The following EDA variants were observed in gnomAD, a reference collection of about 807,000 sequenced individuals.
EDA encodes ectodysplasin A.
EDA carries 2 observed loss-of-function variants against 23.6 expected under a neutral mutation model. The observed-to-expected ratio is 0.08, with a 90% CI of 0.03 to 0.27. The LOEUF is 0.27. Ranked by LOEUF, EDA falls within the 10% of genes least tolerant of loss-of-function variation. The pLI, the probability that EDA is intolerant of heterozygous loss-of-function variation, is 1.00. For missense variants in EDA, 229 were observed against 324.2 expected (o/e 0.71, Z 2.26); for synonymous variants, 131 against 132.0 (o/e 0.99, Z 0.05).
chrX:69,732,925 TTG>T (rs1442383629), intron 1 of EDA, among the ~76,000 whole-genome samples: 2 of 111,233 alleles, frequency 1.8e-5, no homozygotes, highest in African/African-American at 6.5e-5. Context: ...TTCATATCCT[TTG>T]CCCACTTTTT....
chrX:69,760,314 T>C (rs1384928322), intron 1 of EDA, among the ~76,000 whole-genome samples: 1 of 110,571 alleles, frequency 9.0e-6, no homozygotes, highest in Non-Finnish European at 1.9e-5. Flanking sequence ...AGGTTAGCAG[T>C]AGAACTTCCC....
chrX:69,900,201 A>G (rs759218565), intron 1 of EDA, among the ~76,000 whole-genome samples: 1 of 109,411 alleles, frequency 9.1e-6, no homozygotes, highest in African/African-American at 3.3e-5. Flanking sequence ...TAAGATCTCT[A>G]TTTTTTAAGA....
At chrX:69,652,374 C>G (rs1317603013) in intron 1 of EDA, among the ~76,000 whole-genome samples, 1 of 111,654 alleles carries the variant, frequency 9.0e-6, no homozygotes, top group East Asian at 2.8e-4. Flanking sequence ...TTCATTTACT[C>G]ATTTAACAAA....
intron 1 of EDA, among the ~76,000 whole-genome samples, chrX:69,787,580 C>G (rs1266400381): frequency 6.5e-5 from 7 of 107,338 alleles, no homozygotes; most frequent in Admixed American, 2.0e-4. Context: ...TGAAATTCTG[C>G]ATTGAAAATT....
chrX:69,952,049 G>C (rs1367500827), intron 1 of EDA, among the ~76,000 whole-genome samples: 2 of 112,011 alleles, frequency 1.8e-5, no homozygotes, highest in African/African-American at 3.2e-5. Flanking sequence ...CAGATATTTT[G>C]TGTGAGCAGC....
intron 1 of EDA, among the ~76,000 whole-genome samples, chrX:69,697,486 G>A (rs2011388003): frequency 9.0e-6 from 1 of 111,640 alleles, no homozygotes; most frequent in Non-Finnish European, 1.9e-5. Context: ...TACTTCAAGC[G>A]TGACATGGGG....
intron 1 of EDA, among the ~76,000 whole-genome samples, chrX:69,741,839 TACTC>T (rs1467193851): frequency 8.9e-6 from 1 of 111,768 alleles, no homozygotes; most frequent in Non-Finnish European, 1.9e-5. Context: ...CTTTCTTAAT[TACTC>T]ACCACCAAAA....
chrX:69,732,616 G>C (rs2013081462), intron 1 of EDA, among the ~76,000 whole-genome samples: 1 of 112,132 alleles, frequency 8.9e-6, no homozygotes, highest in Non-Finnish European at 1.9e-5. Context: ...TATGTACCCA[G>C]TAATGGGATG....
intron 1 of EDA, among the ~76,000 whole-genome samples, chrX:69,879,561 A>T (rs1183162923): frequency 8.9e-6 from 1 of 112,157 alleles, no homozygotes; most frequent in East Asian, 2.8e-4. Flanking sequence ...TGATGCTGCC[A>T]TTAATGCTGC....
intron 1 of EDA, among the ~76,000 whole-genome samples, chrX:69,839,126 G>A (rs2016843308): frequency 8.9e-6 from 1 of 111,948 alleles, no homozygotes; most frequent in Non-Finnish European, 1.9e-5. Flanking sequence ...CCATTTAGCT[G>A]TTTTCAACAG....
chrX:69,749,435 G>T (rs1011759955), intron 1 of EDA, among the ~76,000 whole-genome samples: 1 of 101,400 alleles, frequency 9.9e-6, no homozygotes, highest in African/African-American at 3.6e-5. Flanking sequence ...ATGATTTATA[G>T]TCATTTGGGT....
At chrX:69,618,901 G>C (rs1402758079) in intron 1 of EDA, among the ~76,000 whole-genome samples, 1 of 111,790 alleles carries the variant, frequency 8.9e-6, no homozygotes, top group Non-Finnish European at 1.9e-5. Context: ...TTGTATATTA[G>C]TTTTAGTATA....
chrX:69,667,951 T>C (rs890800765), intron 1 of EDA, among the ~76,000 whole-genome samples: 1 of 111,878 alleles, frequency 8.9e-6, no homozygotes, highest in African/African-American at 3.2e-5. Flanking sequence ...CTCACAGTAA[T>C]AACAACCTAT....
chrX:69,786,081 A>G (rs1704219324), intron 1 of EDA, among the ~76,000 whole-genome samples: 1 of 108,347 alleles, frequency 9.2e-6, no homozygotes, highest in South Asian at 4.0e-4. Context: ...TTATTTGCGT[A>G]GAGGTGTTTA....
chrX:69,880,748 G>A (rs993752711), intron 1 of EDA, among the ~76,000 whole-genome samples: 2 of 112,072 alleles, frequency 1.8e-5, no homozygotes, highest in African/African-American at 6.5e-5. Flanking sequence ...TTGGGCCTTG[G>A]TTAGGGAATA....
chrX:69,907,578 G>C (rs1056817151), intron 1 of EDA, among the ~76,000 whole-genome samples: 1 of 111,505 alleles, frequency 9.0e-6, no homozygotes, highest in East Asian at 2.8e-4. Context: ...TCTATAAATA[G>C]TATCAGGAAA....
rs1276715288 is a variant in EDA, at chrX:69,987,300, AT to A, written c.502+30179del. On this transcript the variant is annotated intron_variant, in intron 2 of 7. Coordinates refer to ENST00000374552, the MANE Select transcript of EDA (RefSeq NM_001399.5). Reference sequence around the variant, plus strand: ...AAAAAAAAAAAAATTAAAAAAAAAAATTTTTTTTTTTAAAAATAAATAAATA... The same window carrying A: ...AAAAAAAAAAAAATTAAAAAAAAAAATTTTTTTTTTAAAAATAAATAAATA... Among the ~76,000 whole-genome samples the A allele has an allele frequency of 1.7e-3, 139 of 83,007 alleles. No individual in the cohort carries two copies. The East Asian group carries it at 0.065, about 39-fold the overall frequency. 72.1% of individuals were successfully genotyped at this position (83,007 alleles called of 115,157 possible).
rs755768457 is a variant in EDA at position 69,988,717 on chromosome X, G to A, written c.502+31585G>A. On this transcript the variant is annotated intron_variant, in intron 2 of 7. Coordinates refer to ENST00000374552, the MANE Select transcript of EDA (RefSeq NM_001399.5). The stretch of plus-strand genomic sequence containing the variant: ...CTAAAAATACAAAAATTAGCCGGGC[G>A]TGGTGGCAGGCACCTGTAATCCCAG... Among the ~76,000 whole-genome samples, 6 of 110,127 alleles carry A rather than the reference G, an allele frequency of 5.4e-5. No individual in the cohort carries two copies. The East Asian group carries it at 1.4e-3, about 26-fold the overall frequency.
rs113343596 is a variant in EDA, at chrX:69,997,335, C to A, written c.503-25883C>A. Among the ~76,000 whole-genome samples, 292 of 111,897 alleles carry A rather than the reference C, an allele frequency of 2.6e-3. 2 individuals are homozygous for A. Among genetic ancestry groups the A allele is most frequent in the African/African-American group, 8.8e-3 (271 of 30,817 alleles). ...TATGTTTTAGCAAAGAGACTGGCAG[C>A]ATTTTGTCCCACCCTAGAGATTTAT... On this transcript the variant is annotated intron_variant, in intron 2 of 7. Transcript: ENST00000374552.
Sources: gnomAD v4.1 joint callset for allele counts (sites outside exome capture counted in the v4.1 genomes callset) on GRCh38, gnomAD v4.1.1 for gene constraint, MANE v1.5 for transcripts, NCBI Gene and HGNC (gene_info 2026-07-23, HGNC 2026-07-21) for gene names.